CHST11: variants seen among roughly 807,000 people sequenced by gnomAD.
CHST11 encodes carbohydrate sulfotransferase 11.
A neutral mutation model predicts 30.4 loss-of-function variants in CHST11; 9 were observed. That is an observed-to-expected ratio of 0.30 (90% confidence interval 0.18 to 0.52). CHST11 has a LOEUF of 0.52. Ranked by LOEUF, CHST11 falls within the 20% of genes least tolerant of loss-of-function variation. CHST11 has a pLI of 0.97. For synonymous variants in CHST11, 152 were observed against 187.8 expected (o/e 0.81, Z 1.56); for missense variants, 348 against 460.6 (o/e 0.76, Z 2.24).
chr12:104,535,969 G>A (rs755030799), intron 1 of CHST11, among the ~76,000 whole-genome samples: 4 of 152,204 alleles, frequency 2.6e-5, no homozygotes, highest in Admixed American at 1.3e-4. Context: ...TAGGACATCT[G>A]TTAGTTCAGC....
chr12:104,568,338 A>G (rs1001998043), intron 1 of CHST11, among the ~76,000 whole-genome samples: 4 of 151,992 alleles, frequency 2.6e-5, no homozygotes, highest in African/African-American at 9.7e-5. Context: ...CCCCCCTCCC[A>G]CTGTCCTTGC....
At chr12:104,742,928 G>C (rs945865813) in intron 2 of CHST11, among the ~76,000 whole-genome samples, 1 of 152,248 alleles carries the variant, frequency 6.6e-6, no homozygotes, top group Non-Finnish European at 1.5e-5. Flanking sequence ...CAGCCCCAGA[G>C]CTGATGCTAA....
intron 2 of CHST11, among the ~76,000 whole-genome samples, chr12:104,744,263 ATCTGTTATTTTGACTTT>A (rs1194042235): frequency 6.6e-6 from 1 of 152,222 alleles, no homozygotes; most frequent in Non-Finnish European, 1.5e-5. Context: ...CCTTGCCAGC[ATCTGTTATTTTGACTTT>A]TTAGTAATAG....
At chr12:104,696,648 A>G (rs1476318731) in intron 2 of CHST11, among the ~76,000 whole-genome samples, 1 of 152,184 alleles carries the variant, frequency 6.6e-6, no homozygotes, top group African/African-American at 2.4e-5. Context: ...CCTGAGCAAC[A>G]GAGTGAGACT....
At chr12:104,559,905 A>T (rs1478316844) in intron 1 of CHST11, among the ~76,000 whole-genome samples, 1 of 152,244 alleles carries the variant, frequency 6.6e-6, no homozygotes, top group Non-Finnish European at 1.5e-5. Flanking sequence ...TTGCCATTTT[A>T]AAAGTAGTGG....
At chr12:104,748,738 G>A (rs1440924163) in intron 2 of CHST11, among the ~76,000 whole-genome samples, 3 of 152,142 alleles carry the variant, frequency 2.0e-5, no homozygotes, top group East Asian at 3.8e-4. Context: ...AATCTCTGTC[G>A]TTTAAGCCAC....
chr12:104,694,494 G>A (rs952083026), intron 2 of CHST11, among the ~76,000 whole-genome samples: 1 of 152,140 alleles, frequency 6.6e-6, no homozygotes, highest in Non-Finnish European at 1.5e-5. Context: ...TTTTGGTTTT[G>A]TTTTGTTTTT....
At chr12:104,599,359 C>T (rs753770917) in intron 1 of CHST11, among the ~76,000 whole-genome samples, 22 of 152,190 alleles carry the variant, frequency 1.4e-4, no homozygotes, top group Admixed American at 2.0e-4. Context: ...GGCTTTTCAC[C>T]GCGCGGTCCC....
At chr12:104,665,812 CTTTTTTTTTTTTTT>C (rs59199522) in intron 2 of CHST11, among the ~76,000 whole-genome samples, 2 of 78,842 alleles carry the variant, frequency 2.5e-5, no homozygotes, top group Non-Finnish European at 4.6e-5. Flanking sequence ...CTCTCTGTCT[CTTTTTTTTTTTTTT>C]TTTTTTTTTT....
rs923753294 is a variant in CHST11 at position 104,732,864 on chromosome 12, C to A, written c.205-24085C>A. Among the ~76,000 whole-genome samples the A allele has an allele frequency of 5.3e-5, 8 of 152,358 alleles. No homozygotes were observed. In the East Asian group the frequency reaches 1.5e-3, roughly 29 times the overall value. On this transcript the variant is annotated intron_variant, in intron 2 of 2. Transcript: ENST00000303694. ...ATGGGGACTGATTTTGCAGTGACAT[C>A]GGAATTGGAAGCTTTCTTTCTGGAA...
chr12:104,469,072 A>G (rs1373895857), intron 1 of CHST11, among the ~76,000 whole-genome samples: 2 of 152,244 alleles, frequency 1.3e-5, no homozygotes, highest in East Asian at 1.9e-4. Flanking sequence ...GTGAATCTCC[A>G]TGTCAACAAG....
intron 2 of CHST11, among the ~76,000 whole-genome samples, chr12:104,670,714 A>G (rs891671255): frequency 1.3e-4 from 20 of 149,782 alleles, no homozygotes; most frequent in Admixed American, 1.2e-3. Flanking sequence ...CATCATACAT[A>G]CACACCACAT....
intron 1 of CHST11, among the ~76,000 whole-genome samples, chr12:104,550,906 C>G (rs1000109334): frequency 5.3e-5 from 8 of 152,168 alleles, no homozygotes; most frequent in African/African-American, 1.9e-4. Flanking sequence ...TGTTAGCCGG[C>G]TGGCTAAAGT....
chr12:104,709,594 C>A (rs1325472519), intron 2 of CHST11, among the ~76,000 whole-genome samples: 2 of 152,154 alleles, frequency 1.3e-5, no homozygotes, highest in African/African-American at 4.8e-5. Context: ...GCTACTGTGA[C>A]CTGCCGAGAA....
At chr12:104,568,476 G>A (rs2038590967) in intron 1 of CHST11, among the ~76,000 whole-genome samples, 1 of 152,160 alleles carries the variant, frequency 6.6e-6, no homozygotes, top group African/African-American at 2.4e-5. Flanking sequence ...ATGAGCTGTA[G>A]GTCAGCAACT....
chr12:104,548,670 C>T (rs2038375812), intron 1 of CHST11, among the ~76,000 whole-genome samples: 1 of 152,166 alleles, frequency 6.6e-6, no homozygotes, highest in Non-Finnish European at 1.5e-5. Context: ...CATGCCCTTT[C>T]CTAGTTGCAG....
chr12:104,645,972 G>T (rs1359407248), intron 2 of CHST11, among the ~76,000 whole-genome samples: 1 of 152,164 alleles, frequency 6.6e-6, no homozygotes, highest in Non-Finnish European at 1.5e-5. Flanking sequence ...TGGGGACCTT[G>T]GTGATGGCAC....
intron 2 of CHST11, among the ~76,000 whole-genome samples, chr12:104,637,897 G>A (rs2039341056): frequency 6.6e-6 from 1 of 152,076 alleles, no homozygotes; most frequent in Non-Finnish European, 1.5e-5. Context: ...CATGTCACAA[G>A]CTCCCGGCAC....
intron 2 of CHST11, among the ~76,000 whole-genome samples, chr12:104,655,091 T>C (rs2039530313): frequency 6.6e-6 from 1 of 152,212 alleles, no homozygotes; most frequent in Non-Finnish European, 1.5e-5. Flanking sequence ...TGGGAAACAC[T>C]CAGAAAGTGG....
Sources: allele counts gnomAD v4.1 joint callset (sites outside exome capture counted in the v4.1 genomes callset), GRCh38; gene constraint gnomAD v4.1.1; transcripts MANE v1.5; gene names NCBI Gene and HGNC (gene_info 2026-07-23, HGNC 2026-07-21).